The following NCOA1 variants were observed in gnomAD, a reference collection of about 807,000 sequenced individuals.
NCOA1 encodes the protein Hin-2 protein.
In NCOA1, 35 loss-of-function variants were observed where a neutral mutation model predicts 150.9. That is an observed-to-expected ratio of 0.23 (90% CI 0.18 to 0.31). The LOEUF (loss-of-function observed/expected upper bound fraction) is 0.31, where lower values mean the gene tolerates loss of function less well. Ranked by LOEUF, NCOA1 falls within the 10% of genes least tolerant of loss-of-function variation. The probability of loss-of-function intolerance (pLI) is 1.00; values close to 1 mark genes in which losing one functional copy is unlikely to be tolerated. For missense variants in NCOA1, 1,491 were observed against 1,749.3 expected, an observed-to-expected ratio of 0.85 and a Z score of 2.63; for synonymous variants, 590 against 630.0, an observed-to-expected ratio of 0.94 and a Z score of 0.95.
intron 1 of NCOA1, among the ~76,000 whole-genome samples, chr2:24,530,387 A>G (rs1664833083): frequency 6.6e-6 from 1 of 152,224 alleles, no homozygotes; most frequent in Non-Finnish European, 1.5e-5. Flanking sequence ...AGTAAAGACA[A>G]ATCTGATGAG....
rs192496252 is a variant in NCOA1, at chr2:24,769,272, A to G, written c.*881A>G. On this transcript the variant is annotated 3_prime_UTR_variant, in exon 23 of 23. Coordinates refer to ENST00000348332, the MANE Select transcript of NCOA1 (RefSeq NM_003743.5). ...TAGCTTATTTTTCCCTTTAAATCTC[A>G]TTGTAAATATATTTGATTTCTTGTA... The G allele has an allele frequency of 6.4e-3, 1,220 of 189,298 alleles. 14 individuals are homozygous for G. Among genetic ancestry groups the G allele is most frequent in the African/African-American group, 0.027 (1,158 of 42,974 alleles). The allele number at this position is 189,298 out of a possible 1,614,324, so 11.7% of individuals were successfully genotyped here.
intron 1 of NCOA1, among the ~76,000 whole-genome samples, chr2:24,554,765 A>C (rs1432053820): frequency 6.6e-6 from 1 of 152,114 alleles, no homozygotes; most frequent in African/African-American, 2.4e-5. Context: ...CACACATCCG[A>C]GTCTTTAAGA....
At chr2:24,523,623 A>AAAAAAAAAAAAAAAAC (rs1664521283) in intron 1 of NCOA1, among the ~76,000 whole-genome samples, 1 of 130,160 alleles carries the variant, frequency 7.7e-6, no homozygotes, top group Non-Finnish European at 1.7e-5. Flanking sequence ...AAAAAAAAAA[A>AAAAAAAAAAAAAAAAC]AAAAAAAGAA....
chr2:24,758,183 G>A (rs1367180186), intron 21 of NCOA1, 27 bp downstream of exon 21: 2 of 1,582,530 alleles, frequency 1.3e-6, no homozygotes, highest in Admixed American at 3.4e-5. Flanking sequence ...CCACACACAT[G>A]CCACACCACA....
chr2:24,543,914 G>A (rs555899758), intron 1 of NCOA1, among the ~76,000 whole-genome samples: 52 of 152,250 alleles, frequency 3.4e-4, no homozygotes, highest in African/African-American at 1.2e-3. Context: ...TACTCAGATT[G>A]TAGTGTGAAT....
intron 13 of NCOA1, 95 bp downstream of exon 13, chr2:24,707,983 A>G (rs545339474): frequency 1.6e-5 from 22 of 1,412,678 alleles, no homozygotes; most frequent in Non-Finnish European, 2.0e-5. Context: ...AATTCATACT[A>G]TGTTTTATCC....
At chr2:24,525,074 G>A (rs1664593143) in intron 1 of NCOA1, among the ~76,000 whole-genome samples, 1 of 152,232 alleles carries the variant, frequency 6.6e-6, no homozygotes, top group African/African-American at 2.4e-5. Flanking sequence ...GAAATTAGGG[G>A]AGAGGAGCTT....
intron 4 of NCOA1, among the ~76,000 whole-genome samples, chr2:24,646,094 T>C (rs1670460464): frequency 6.6e-6 from 1 of 152,184 alleles, no homozygotes; most frequent in South Asian, 2.1e-4. Context: ...AAGAAAGTCA[T>C]TTTCCTCATT....
chr2:24,527,968 T>G (rs1664720691), intron 1 of NCOA1, among the ~76,000 whole-genome samples: 1 of 152,238 alleles, frequency 6.6e-6, no homozygotes, highest in Admixed American at 6.5e-5. Flanking sequence ...ATGTCGTCTT[T>G]GGAGAAATGT....
intron 1 of NCOA1, among the ~76,000 whole-genome samples, chr2:24,536,238 G>A (rs1483216755): frequency 6.6e-6 from 1 of 151,988 alleles, no homozygotes; most frequent in Non-Finnish European, 1.5e-5. Flanking sequence ...CCACTTGATT[G>A]AATCGGTTAT....
intron 11 of NCOA1, among the ~76,000 whole-genome samples, chr2:24,698,018 CTCATTCATTCAT>C (rs924682528): frequency 6.6e-6 from 1 of 152,000 alleles, no homozygotes; most frequent in South Asian, 2.1e-4. Flanking sequence ...GTGGTGGTCA[CTCATTCATTCAT>C]TCATTCATTC....
At chr2:24,588,616 T>TA (rs1465975439) in intron 3 of NCOA1, among the ~76,000 whole-genome samples, 3 of 152,198 alleles carry the variant, frequency 2.0e-5, no homozygotes, top group Non-Finnish European at 4.4e-5. Flanking sequence ...GGCTGACACT[T>TA]ACTTGTCTTT....
chr2:24,628,071 G>A (rs1040633130), intron 3 of NCOA1, among the ~76,000 whole-genome samples: 1 of 152,062 alleles, frequency 6.6e-6, no homozygotes, highest in Non-Finnish European at 1.5e-5. Flanking sequence ...AGGCTGAGGC[G>A]GGTGGAGGAC....
chr2:24,738,566 A>C (rs1245317524), intron 17 of NCOA1, among the ~76,000 whole-genome samples: 3 of 152,202 alleles, frequency 2.0e-5, no homozygotes, highest in African/African-American at 7.2e-5. Context: ...TCTGAGAGAT[A>C]GATATTAATG....
chr2:24,587,102 A>G (rs986614270), intron 3 of NCOA1, among the ~76,000 whole-genome samples: 26 of 139,346 alleles, frequency 1.9e-4, no homozygotes, highest in Admixed American at 5.0e-4. Context: ...AGCAGAGAAG[A>G]AAAAAAAAAA....
intron 1 of NCOA1, among the ~76,000 whole-genome samples, chr2:24,541,970 T>C (rs1214543229): frequency 6.6e-6 from 1 of 152,126 alleles, no homozygotes; most frequent in East Asian, 1.9e-4. Context: ...GAAAAAGATT[T>C]TGGAAAACAA....
At chr2:24,508,493 G>A (rs953210972) in intron 1 of NCOA1, among the ~76,000 whole-genome samples, 21 of 151,970 alleles carry the variant, frequency 1.4e-4, no homozygotes, top group African/African-American at 4.6e-4. Flanking sequence ...TATGTCATTA[G>A]CATAATCACT....
intron 11 of NCOA1, among the ~76,000 whole-genome samples, chr2:24,699,432 A>T (rs1490994752): frequency 8.5e-5 from 13 of 152,210 alleles, no homozygotes; most frequent in Admixed American, 8.5e-4. Context: ...TGATTAAAGT[A>T]TTATAAGTAA....
Position 24,705,208 on chromosome 2 carries a change from A to G in NCOA1, c.1072A>G (p.Ile358Val). 6.2e-7 allele frequency: 1 copy of G among 1,614,030 alleles called. No homozygotes were observed. The highest frequency in any genetic ancestry group is 8.5e-7 in the Non-Finnish European group (1 of 1,179,874). ...TCAAAGTCCAGACATGCAACCTTTC[A>G]TCATGGGAATTCATATCATCGACAG... ...YPQSPDMQPF[I>V]MGIHIIDREH... is the part of the protein sequence containing the mutation. The change falls in exon 12 of 23, where the codon ATC (isoleucine) becomes GTC (valine). Residue 358 changes from isoleucine to valine, a missense_variant. Ile to Val is a conservative substitution (Grantham distance 29). Around this residue, in one of 8 missense-constraint regions of NCOA1, gnomAD observed 703 missense variants for 717.7 expected, o/e 0.98. Transcript: ENST00000348332.
Sources: gnomAD v4.1 joint callset for allele counts (sites outside exome capture counted in the v4.1 genomes callset) on GRCh38, gnomAD v4.1.1 for gene constraint, gnomAD v4.1.1 regional missense constraint, MANE v1.5 for transcripts, NCBI Gene and HGNC (gene_info 2026-07-23, HGNC 2026-07-21) for gene names.